Variants in SH3BGRL observed in about 807,000 individuals in gnomAD.
The protein encoded by SH3BGRL is adapter SH3BGRL.
A neutral mutation model predicts 9.8 loss-of-function variants in SH3BGRL; 7 were observed. The observed-to-expected ratio is 0.72, with a 90% confidence interval of 0.41 to 1.35. SH3BGRL has a LOEUF of 1.35. Ranked by LOEUF, SH3BGRL falls within the 40% of genes most tolerant of loss-of-function variation. The pLI is 0.01. For synonymous variants in SH3BGRL, 36 were observed against 29.1 expected (o/e 1.24, Z -0.76); for missense variants, 73 against 84.4 (o/e 0.86, Z 0.53).
At chrX:81,284,645 G>A (rs1295179294) in intron 3 of SH3BGRL, among the ~76,000 whole-genome samples, 3 of 110,905 alleles carry the variant, frequency 2.7e-5, no homozygotes, top group East Asian at 5.7e-4. Flanking sequence ...AAATTTTAAT[G>A]TGTGGGAAGG....
Position 81,202,127 on chromosome X carries a change from T to G in SH3BGRL, c.-74T>G. 1 of 1,054,392 alleles carries G rather than the reference T, an allele frequency of 9.5e-7. No homozygotes were observed. Among genetic ancestry groups the G allele is most frequent in the African/African-American group, 1.8e-5 (1 of 54,750 alleles). The allele number at this position is 1,054,392 out of a possible 1,213,427, so 86.9% of individuals were successfully genotyped here. A position where few individuals can be genotyped will look rare whatever the true frequency, so the allele number is the denominator to read the frequency against. On this transcript the variant is annotated 5_prime_UTR_variant, in exon 1 of 4. Transcript: ENST00000373212. ...GCCAACCGCTGTTTCAGCCCCTAGC[T>G]GGATTCCAGCCATTGCTGCAGCTGC...
intron 1 of SH3BGRL, among the ~76,000 whole-genome samples, chrX:81,207,398 T>G (rs1256614993): frequency 8.9e-6 from 1 of 112,537 alleles, no homozygotes; most frequent in African/African-American, 3.2e-5. Context: ...GGTTGTACTC[T>G]GCACAATTTA....
At chrX:81,227,088 G>A (rs1761074521) in intron 1 of SH3BGRL, among the ~76,000 whole-genome samples, 1 of 112,078 alleles carries the variant, frequency 8.9e-6, no homozygotes, top group African/African-American at 3.2e-5. Context: ...CCATATTACA[G>A]ATCTTTCAAG....
chrX:81,235,689 A>T (rs1283778164), intron 1 of SH3BGRL, among the ~76,000 whole-genome samples: 1 of 111,085 alleles, frequency 9.0e-6, no homozygotes, highest in African/African-American at 3.3e-5. Context: ...AATTAGTTCA[A>T]ATTTTTATTT....
rs1424620257 is a variant in SH3BGRL, at chrX:81,237,662, C to T, written c.45+35417C>T. Among the ~76,000 whole-genome samples the T allele has an allele frequency of 2.7e-5, 3 of 110,335 alleles. No individual in the cohort carries two copies. In the East Asian group the frequency reaches 8.6e-4, roughly 32 times the overall value. ...AAGTAAACTTGAAAGGCAGGCTAGG[C>T]TACAAGGGCTGCAACACTAAGGCAA... On this transcript the variant is annotated intron_variant, in intron 1 of 3. Coordinates refer to ENST00000373212, the MANE Select transcript of SH3BGRL (RefSeq NM_003022.3).
At chrX:81,230,836 G>A (rs2075630892) in intron 1 of SH3BGRL, among the ~76,000 whole-genome samples, 1 of 111,593 alleles carries the variant, frequency 9.0e-6, no homozygotes, top group Non-Finnish European at 1.9e-5. Context: ...TAAGTCTGTG[G>A]ATTCCTGTTT....
intron 1 of SH3BGRL, among the ~76,000 whole-genome samples, chrX:81,265,607 C>T (rs2075754599): frequency 8.9e-6 from 1 of 111,898 alleles, no homozygotes; most frequent in Non-Finnish European, 1.9e-5. Context: ...TCCAGTCTAT[C>T]ATTGATGGAC....
intron 1 of SH3BGRL, among the ~76,000 whole-genome samples, chrX:81,234,314 A>C (rs1189206840): frequency 1.8e-5 from 2 of 112,354 alleles, no homozygotes; most frequent in East Asian, 5.5e-4. Context: ...ATGCATTAAT[A>C]AAATACAGAT....
intron 1 of SH3BGRL, among the ~76,000 whole-genome samples, chrX:81,275,861 A>T (rs967870199): frequency 6.3e-5 from 7 of 111,965 alleles, no homozygotes; most frequent in Admixed American, 1.9e-4. Context: ...ATCACGAGCA[A>T]CTTAGAAAGA....
At chrX:81,239,684 G>A (rs757415724) in intron 1 of SH3BGRL, among the ~76,000 whole-genome samples, 2 of 111,980 alleles carry the variant, frequency 1.8e-5, no homozygotes, top group African/African-American at 3.2e-5. Context: ...GTAGAACACC[G>A]AGCAGATTTA....
At chrX:81,227,581 G>C (rs1405331515) in intron 1 of SH3BGRL, among the ~76,000 whole-genome samples, 1 of 111,352 alleles carries the variant, frequency 9.0e-6, no homozygotes, top group African/African-American at 3.3e-5. Flanking sequence ...GAAATCAGTT[G>C]TCTTATGTTT....
chrX:81,247,220 T>C (rs1000543115), intron 1 of SH3BGRL, among the ~76,000 whole-genome samples: 1 of 111,949 alleles, frequency 8.9e-6, no homozygotes, highest in Non-Finnish European at 1.9e-5. Context: ...GAAGAGTGTT[T>C]AGGGTTTTCT....
rs925685985 is a variant in SH3BGRL at position 81,286,330 on chromosome X, G to A, written c.312+7919G>A. 2.7e-5 allele frequency among the ~76,000 whole-genome samples: 3 copies of A among 109,846 alleles called. No homozygotes were observed. In the South Asian group the frequency reaches 1.2e-3, roughly 43 times the overall value. Reference sequence around the variant, plus strand: ...GGGTATGGGTCAGAGAAATGTCCTCGTTAGCTTTAGTTGAATTAAACTGCT... The same window carrying A: ...GGGTATGGGTCAGAGAAATGTCCTCATTAGCTTTAGTTGAATTAAACTGCT... On this transcript the variant is annotated intron_variant, in intron 3 of 3. Transcript: ENST00000373212.
chrX:81,286,242 C>A lies in SH3BGRL; in HGVS notation c.312+7831C>A, dbSNP rs759558581. ...ACCACAAAATAAATATTTGGTGATGCTTGTGCAGAAAGGAAAACGACTCTA... is the reference window on the plus strand; with the variant it reads ...ACCACAAAATAAATATTTGGTGATGATTGTGCAGAAAGGAAAACGACTCTA... On this transcript the variant is annotated intron_variant, in intron 3 of 3. Transcript: ENST00000373212. Among the ~76,000 whole-genome samples, 5 of 106,983 alleles carry A rather than the reference C, an allele frequency of 4.7e-5. No individual in the cohort carries two copies. The South Asian group carries it at 2.4e-3, about 51-fold the overall frequency. The allele number at this position is 106,983 out of a possible 115,157, so 92.9% of individuals were successfully genotyped here. A position where few individuals can be genotyped will look rare whatever the true frequency, so the allele number is the denominator to read the frequency against.
At chrX:81,234,294 T>C (rs1004380079) in intron 1 of SH3BGRL, among the ~76,000 whole-genome samples, 8 of 112,445 alleles carry the variant, frequency 7.1e-5, no homozygotes, top group African/African-American at 2.6e-4. Context: ...AAAAAAATCA[T>C]TTCTGCATTA....
At chrX:81,224,807 C>G (rs949842120) in intron 1 of SH3BGRL, among the ~76,000 whole-genome samples, 34 of 111,197 alleles carry the variant, frequency 3.1e-4, no homozygotes, top group African/African-American at 1.1e-3. Context: ...TTTGTTCAAT[C>G]TTTTTTGTTG....
At chrX:81,202,588 G>T in intron 1 of SH3BGRL, 1 of 808,573 alleles carries the variant, frequency 1.2e-6, no homozygotes, top group South Asian at 5.5e-5. Context: ...TGAGTTTCAA[G>T]AGTGAGACAT....
intron 3 of SH3BGRL, among the ~76,000 whole-genome samples, chrX:81,279,249 C>T (rs750069303): frequency 8.9e-6 from 1 of 111,820 alleles, no homozygotes; most frequent in East Asian, 2.8e-4. Flanking sequence ...TTTCTTTTCC[C>T]ATGGATAAAA....
At chrX:81,238,792 CAGAGAGAGAG>C (rs766291990) in intron 1 of SH3BGRL, among the ~76,000 whole-genome samples, 2 of 91,442 alleles carry the variant, frequency 2.2e-5, no homozygotes, top group African/African-American at 4.0e-5. Flanking sequence ...TAGTGCAGAA[CAGAGAGAGAG>C]AGAGAGAGAG....
Sources: allele counts gnomAD v4.1 joint callset (sites outside exome capture counted in the v4.1 genomes callset), GRCh38; gene constraint gnomAD v4.1.1; transcripts MANE v1.5; gene names NCBI Gene and HGNC (gene_info 2026-07-23, HGNC 2026-07-21).